Variants in LINGO1 observed in about 807,000 individuals in gnomAD.
LINGO1 encodes the protein leucine-rich repeat and immunoglobulin-like domain-containing nogo receptor-interacting protein 1.
Under a neutral mutation model 37.3 loss-of-function variants are expected in LINGO1, and 11 were observed. The observed-to-expected ratio is 0.29, with a 90% CI of 0.19 to 0.49. The LOEUF (loss-of-function observed/expected upper bound fraction) is 0.49. Ranked by LOEUF, LINGO1 falls within the 20% of genes least tolerant of loss-of-function variation. The pLI, the probability that LINGO1 is intolerant of heterozygous loss-of-function variation, is 0.99. For synonymous variants in LINGO1, 387 were observed against 403.0 expected (o/e 0.96, Z 0.48); for missense variants, 585 against 878.2 (o/e 0.67, Z 4.22).
intron 1 of LINGO1, among the ~76,000 whole-genome samples, chr15:77,780,853 A>C (rs1274049002): frequency 6.6e-6 from 1 of 151,536 alleles, no homozygotes. Flanking sequence ...TCTGACCCCG[A>C]CCATGCCGGC....
At chr15:77,702,514 A>T (rs1158524596) in intron 2 of LINGO1, among the ~76,000 whole-genome samples, 1 of 152,304 alleles carries the variant, frequency 6.6e-6, no homozygotes, top group South Asian at 2.1e-4. Context: ...AACAAAACAC[A>T]GGCTGCATGC....
chr15:77,632,356 G>A lies in LINGO1; in HGVS notation c.-41C>T. On this transcript the variant is annotated 5_prime_UTR_variant, in exon 1 of 2. An upstream open reading frame in the 5' UTR gains an earlier in-frame stop. Coordinates refer to ENST00000355300, the MANE Select transcript of LINGO1 (RefSeq NM_032808.7). The surrounding 1 kb of genome is among the most constrained non-coding windows in gnomAD (Gnocchi z 6.0). The stretch of plus-strand genomic sequence containing the variant: ...GGTCCGCTCGGCTCGGTCACCAATC[G>A]CATGTCTCTCCAGCCGGCCCGACCA... The A allele has an allele frequency of 7.1e-7, 1 of 1,410,840 alleles. No individual in the cohort carries two copies. The highest frequency in any genetic ancestry group is 1.5e-5 in the South Asian group (1 of 67,352). The allele number at this position is 1,410,840 out of a possible 1,614,324, so 87.4% of individuals were successfully genotyped here.
chr15:77,715,015 C>T (rs556254912), intron 2 of LINGO1, among the ~76,000 whole-genome samples: 30 of 152,238 alleles, frequency 2.0e-4, no homozygotes, highest in Non-Finnish European at 3.7e-4. Context: ...GGGCTGAGTG[C>T]TATTCCCAGT....
At chr15:77,777,456 TACACACACGCACACAC>T (rs1057414431) in intron 1 of LINGO1, among the ~76,000 whole-genome samples, 1 of 68,216 alleles carries the variant, frequency 1.5e-5, no homozygotes, top group African/African-American at 4.2e-5. Context: ...TTTGGACATA[TACACACACGCACACAC>T]ACACACACAC....
chr15:77,717,113 G>A (rs1220823104), intron 2 of LINGO1, among the ~76,000 whole-genome samples: 2 of 150,422 alleles, frequency 1.3e-5, no homozygotes, highest in Non-Finnish European at 3.0e-5. Context: ...AGCGCCCCTT[G>A]CCCACAGCTG....
At chr15:77,764,583 A>C (rs767752789) in intron 1 of LINGO1, among the ~76,000 whole-genome samples, 2 of 152,204 alleles carry the variant, frequency 1.3e-5, no homozygotes, top group Non-Finnish European at 2.9e-5. Context: ...TAAACACATG[A>C]GAAGGCTTGC....
intron 1 of LINGO1, among the ~76,000 whole-genome samples, chr15:77,738,575 C>T (rs181558826): frequency 1.2e-3 from 180 of 152,264 alleles, no homozygotes; most frequent in Admixed American, 5.6e-3. Flanking sequence ...GCATTTCCTC[C>T]GCCTGACATT....
At chr15:77,730,140 T>C (rs1043093604) in intron 2 of LINGO1, among the ~76,000 whole-genome samples, 5 of 151,916 alleles carry the variant, frequency 3.3e-5, no homozygotes, top group African/African-American at 1.2e-4. Context: ...TGGCATCTAG[T>C]TGCACATAGG....
chr15:77,812,795 G>GT (rs1567597541), intron 1 of LINGO1, among the ~76,000 whole-genome samples: 1 of 152,266 alleles, frequency 6.6e-6, no homozygotes, highest in Non-Finnish European at 1.5e-5. Context: ...TGTATGGCTA[G>GT]TGACTGGGTG....
intron 1 of LINGO1, among the ~76,000 whole-genome samples, chr15:77,800,743 A>G (rs1360356636): frequency 6.6e-6 from 1 of 152,262 alleles, no homozygotes; most frequent in Non-Finnish European, 1.5e-5. Flanking sequence ...ACATCCGTAC[A>G]GCAAAAGACA....
chr15:77,656,496 C>T (rs373435442), intron 3 of LINGO1, among the ~76,000 whole-genome samples: 1 of 152,222 alleles, frequency 6.6e-6, no homozygotes, highest in African/African-American at 2.4e-5. Context: ...CTCCTCCCCC[C>T]GCAGCCGCCC....
At chr15:77,687,643 G>A (rs913309794) in intron 2 of LINGO1, among the ~76,000 whole-genome samples, 1 of 152,220 alleles carries the variant, frequency 6.6e-6, no homozygotes, top group Non-Finnish European at 1.5e-5. Flanking sequence ...GCCTTCTAGC[G>A]TGGATGCACT....
chr15:77,714,204 T>G lies in LINGO1; in HGVS notation c.-195+20788A>C, dbSNP rs199607839. ...TTGAGGATCCTTCTTGCCTTCTCCA[T>G]GACCTTCTCCCTGTCCCCAGTTCTG... On this transcript the variant is annotated intron_variant, in intron 2 of 3. Transcript: ENST00000561686. 1.2e-4 allele frequency among the ~76,000 whole-genome samples: 18 copies of G among 152,262 alleles called. No individual in the cohort carries two copies. The East Asian group carries it at 3.5e-3, about 29-fold the overall frequency.
chr15:77,691,143 T>TA (rs1418160353), intron 1 of LINGO1, among the ~76,000 whole-genome samples: 3 of 152,206 alleles, frequency 2.0e-5, no homozygotes, highest in African/African-American at 4.8e-5. Flanking sequence ...GATAGTGTGA[T>TA]AAAAAAACTG....
chr15:77,749,613 T>C (rs2076350894), intron 1 of LINGO1, among the ~76,000 whole-genome samples: 1 of 152,204 alleles, frequency 6.6e-6, no homozygotes, highest in African/African-American at 2.4e-5. Flanking sequence ...TAGGAATGTG[T>C]CATCCCCTTT....
chr15:77,753,210 C>A lies in LINGO1; in HGVS notation c.-256-18157G>T, dbSNP rs1596191089. ...GGCAGACACACAGTAGGTGCTTGCC[C>A]AGTGTTTGCTGACCAAACACTAGGA... On this transcript the variant is annotated intron_variant, in intron 1 of 3. Transcript: ENST00000561686. 2.0e-5 allele frequency among the ~76,000 whole-genome samples: 3 copies of A among 152,316 alleles called. 1 individual carries two copies.
At chr15:77,748,721 C>T (rs769647072) in intron 1 of LINGO1, among the ~76,000 whole-genome samples, 63 of 151,356 alleles carry the variant, frequency 4.2e-4, no homozygotes, top group Non-Finnish European at 7.4e-4. Flanking sequence ...ATTGGGGGTG[C>T]GGTGCAGGGG....
intron 1 of LINGO1, among the ~76,000 whole-genome samples, chr15:77,747,747 T>G (rs1301685442): frequency 6.6e-6 from 1 of 152,234 alleles, no homozygotes; most frequent in Non-Finnish European, 1.5e-5. Context: ...GCTGTCACCA[T>G]GCCTGAAATG....
intron 2 of LINGO1, among the ~76,000 whole-genome samples, chr15:77,679,258 G>T (rs1303599830): frequency 6.6e-6 from 1 of 152,106 alleles, no homozygotes; most frequent in Non-Finnish European, 1.5e-5. Flanking sequence ...ACATCTATCT[G>T]ATTTTTTCTA....
Sources: allele counts gnomAD v4.1 joint callset (sites outside exome capture counted in the v4.1 genomes callset), GRCh38; gene constraint gnomAD v4.1.1; non-coding constraint Gnocchi (gnomAD v3.1); transcripts MANE v1.5; gene names NCBI Gene and HGNC (gene_info 2026-07-23, HGNC 2026-07-21).